ZBTB40: variants seen among roughly 807,000 people sequenced by gnomAD.
ZBTB40 encodes zinc finger and BTB domain-containing protein 40.
In ZBTB40, 60 loss-of-function variants were observed where a neutral mutation model predicts 117.5. The observed-to-expected ratio is 0.51, with a 90% CI of 0.41 to 0.63. The LOEUF is 0.63. Ranked by LOEUF, ZBTB40 falls within the 30% of genes least tolerant of loss-of-function variation. The pLI is 0.00. For missense variants in ZBTB40, 1,287 were observed against 1,498.5 expected, an observed-to-expected ratio of 0.86 and a Z score of 2.33; for synonymous variants, 525 against 577.1, an observed-to-expected ratio of 0.91 and a Z score of 1.29.
At chr1:22,431,318 T>TCAA (rs1185471061) in intron 1 of ZBTB40, among the ~76,000 whole-genome samples, 7 of 84,560 alleles carry the variant, frequency 8.3e-5, no homozygotes, top group African/African-American at 3.5e-4. Context: ...CAGTATATAT[T>TCAA]TATATTGTAT....
chr1:22,447,696 G>A (rs1344611206), upstream of ZBTB40, among the ~76,000 whole-genome samples: 1 of 152,352 alleles, frequency 6.6e-6, no homozygotes, highest in Non-Finnish European at 1.5e-5. Context: ...TGTCTGGGCA[G>A]CCCTGCTGGA....
chr1:22,505,724 G>T (rs938868733), intron 5 of ZBTB40, among the ~76,000 whole-genome samples: 1 of 152,166 alleles, frequency 6.6e-6, no homozygotes, highest in Non-Finnish European at 1.5e-5. Flanking sequence ...TAAAGAACCA[G>T]GTTAGAGGTA....
In ZBTB40 at chr1:22,513,696, G is replaced by A. The variant is rs1023371720; in HGVS notation, c.2668+566G>A. 4.6e-5 allele frequency among the ~76,000 whole-genome samples: 7 copies of A among 152,020 alleles called. No homozygotes were observed. Among genetic ancestry groups the A allele is most frequent in the East Asian group, 1.9e-4 (1 of 5,184 alleles). ...AGCCTGGGCAACAGAGTGAGACTCC[G>A]TCTCAAAAATAATAATAATAATAAA... On this transcript the variant is annotated intron_variant, in intron 12 of 17. Transcript: ENST00000375647. The surrounding 1 kb of genome is among the most constrained non-coding windows in gnomAD (Gnocchi z 4.9).
At chr1:22,475,141 T>A (rs548491459) in intron 1 of ZBTB40, among the ~76,000 whole-genome samples, 1 of 152,204 alleles carries the variant, frequency 6.6e-6, no homozygotes, top group African/African-American at 2.4e-5. Flanking sequence ...GGTCTAGCTT[T>A]TGCTTCATGA....
chr1:22,475,184 T>C (rs948815220), intron 1 of ZBTB40, among the ~76,000 whole-genome samples: 11 of 152,230 alleles, frequency 7.2e-5, no homozygotes, highest in South Asian at 2.1e-4. Context: ...GCAATATATA[T>C]AGGAAGCCTG....
At chr1:22,450,314 A>C (rs924344343), upstream of ZBTB40, among the ~76,000 whole-genome samples, 1 of 152,236 alleles carries the variant, frequency 6.6e-6, no homozygotes, top group Admixed American at 6.5e-5. Context: ...TTTGTTTGCT[A>C]AATCTAGCAA....
chr1:22,476,946 C>G (rs902664620), intron 1 of ZBTB40, among the ~76,000 whole-genome samples: 1 of 152,216 alleles, frequency 6.6e-6, no homozygotes, highest in African/African-American at 2.4e-5. Context: ...GGAAAGTGCC[C>G]TTTCACCACA....
chr1:22,502,922 C>G (rs571172797), intron 5 of ZBTB40, among the ~76,000 whole-genome samples: 3 of 152,172 alleles, frequency 2.0e-5, no homozygotes, highest in African/African-American at 4.8e-5. Flanking sequence ...AGAAAAAATT[C>G]AGATTTCTCC....
rs781332471 is a variant in ZBTB40 at position 22,512,991 on chromosome 1, G to A, written c.2529G>A (p.Ala843=). 8 of 1,614,074 alleles carry A rather than the reference G, an allele frequency of 5.0e-6. No individual in the cohort carries two copies. The highest frequency in any genetic ancestry group is 3.3e-5 in the South Asian group (3 of 91,086). The change falls in exon 12 of 18, where the codon GCG becomes GCA. Residue 843 remains alanine, a synonymous_variant. Transcript: ENST00000375647. ...EKPFSCEECG[A]KFAANSTLKN... is the part of the protein sequence containing the mutation. ...CTTTCTCCTGTGAAGAGTGTGGGGC[G>A]AAGTTTGCAGCCAATTCCACCCTGA...
chr1:22,497,473 A>G (rs747246511), intron 3 of ZBTB40, among the ~76,000 whole-genome samples: 1 of 152,190 alleles, frequency 6.6e-6, no homozygotes, highest in Non-Finnish European at 1.5e-5. Context: ...GGTGAAAATA[A>G]GTTGTTTTTC....
chr1:22,478,690 TA>T (rs1641610697), intron 1 of ZBTB40, among the ~76,000 whole-genome samples: 1 of 152,246 alleles, frequency 6.6e-6, no homozygotes. Context: ...TGGTAGCTAC[TA>T]TGATTGTCAT....
At position 22,473,640 on chromosome 1, in the gene ZBTB40, C is replaced by G. The variant is rs75338991; in HGVS notation, c.-69-16240C>G. ...AATTGGTGATTGAGAAAAACATGGT[C>G]TCCTGAGCGGATGGGGCAGTGGATG... On this transcript the variant is annotated intron_variant, in intron 1 of 17. Coordinates refer to ENST00000375647, the MANE Select transcript of ZBTB40 (RefSeq NM_014870.4). 9.2e-4 allele frequency among the ~76,000 whole-genome samples: 140 copies of G among 152,328 alleles called. 3 individuals are homozygous for G. The East Asian group carries it at 0.024, about 26-fold the overall frequency.
rs1296831094 is a variant in ZBTB40 at position 22,508,154 on chromosome 1, A to G, written c.1497+17A>G. The G allele has an allele frequency of 3.7e-6, 6 of 1,613,004 alleles. No individual in the cohort carries two copies. The highest frequency in any genetic ancestry group is 5.1e-6 in the Non-Finnish European group (6 of 1,179,854). On this transcript the variant is annotated intron_variant, in intron 7 of 17. Transcript: ENST00000375647. ...GAAAGAGAGGTAAGAGAGGGAGAGA[A>G]ACAGAGGGAGGGGAGGGTAAAATGA...
intron 3 of ZBTB40, among the ~76,000 whole-genome samples, chr1:22,492,366 G>A (rs954241475): frequency 3.3e-5 from 5 of 152,304 alleles, no homozygotes; most frequent in African/African-American, 7.2e-5. Flanking sequence ...CAGTTGAGAC[G>A]CATTTCCACC....
rs778637050 is a variant in ZBTB40 at position 22,508,621 on chromosome 1, C to T, written c.1589C>T (p.Thr530Ile). ...CTAGAAAAGCAGACTCTCTCTGCCA[C>T]AGCCATTTGGCAACTGCTGCTGGTG... The part of the protein sequence containing the change: ...AVLEKQTLSA[T>I]AIWQLLLVVQ... The change falls in exon 8 of 18, where the codon ACA (threonine) becomes ATA (isoleucine). Residue 530 changes from threonine to isoleucine, a missense_variant. By Grantham distance (89) the Thr-to-Ile change is moderately conservative. Transcript: ENST00000375647. 2 of 1,614,218 alleles carry T rather than the reference C, an allele frequency of 1.2e-6. No homozygotes were observed. The highest frequency in any genetic ancestry group is 2.2e-5 in the East Asian group (1 of 44,884).
At chr1:22,481,907 G>T (rs1160209119) in intron 1 of ZBTB40, among the ~76,000 whole-genome samples, 1 of 148,080 alleles carries the variant, frequency 6.8e-6, no homozygotes. Context: ...TTCTTGTTCA[G>T]ATTTTTCTCA....
chr1:22,500,694 A>G (rs1266537935), intron 3 of ZBTB40, among the ~76,000 whole-genome samples: 1 of 152,194 alleles, frequency 6.6e-6, no homozygotes. Context: ...TGTTGTATAA[A>G]CGTTGGTTAG....
intron 13 of ZBTB40, among the ~76,000 whole-genome samples, chr1:22,519,183 A>G (rs1639455210): frequency 6.6e-6 from 1 of 152,280 alleles, no homozygotes; most frequent in African/African-American, 2.4e-5. Flanking sequence ...CAATGCACAT[A>G]AAAGATTGGC....
chr1:22,441,317 A>G (rs1640728998), intron 1 of ZBTB40, among the ~76,000 whole-genome samples: 1 of 152,084 alleles, frequency 6.6e-6, no homozygotes, highest in African/African-American at 2.4e-5. Flanking sequence ...TAGAATTAGT[A>G]GTAATGTCCT....
Sources: gnomAD v4.1 joint callset for allele counts (sites outside exome capture counted in the v4.1 genomes callset) on GRCh38, gnomAD v4.1.1 for gene constraint, Gnocchi (gnomAD v3.1) non-coding constraint, MANE v1.5 for transcripts, NCBI Gene and HGNC (gene_info 2026-07-23, HGNC 2026-07-21) for gene names.